The following CFAP44 variants were observed in gnomAD, a reference collection of about 807,000 sequenced individuals.
CFAP44 encodes cilia and flagella associated protein 44, also known as cilia- and flagella-associated protein 44.
A neutral mutation model predicts 216.2 loss-of-function variants in CFAP44; 134 were observed. The ratio of observed to expected loss-of-function variants is 0.62; its 90% CI spans 0.54 to 0.72. The LOEUF is 0.72. Among genes scored for constraint, CFAP44 ranks in the 30% least tolerant of loss-of-function variants. The pLI, the probability that CFAP44 is intolerant of heterozygous loss-of-function variation, is 0.00. For synonymous variants in CFAP44, 700 were observed against 727.6 expected (o/e 0.96, Z 0.61); for missense variants, 2,035 against 2,182.1 (o/e 0.93, Z 1.34).
intron 6 of CFAP44, among the ~76,000 whole-genome samples, chr3:113,412,043 C>T (rs1430260090): frequency 6.6e-6 from 1 of 152,070 alleles, no homozygotes; most frequent in Non-Finnish European, 1.5e-5. Context: ...CATGACAAAC[C>T]CACAGCCAAT....
At chr3:113,403,820 G>C in intron 9 of CFAP44, 32 bp downstream of exon 9, 2 of 1,597,792 alleles carry the variant, frequency 1.3e-6, no homozygotes, top group Non-Finnish European at 1.7e-6. Flanking sequence ...CTTAAACGTG[G>C]GTGCTACCAT....
At chr3:113,381,158 G>T (rs1216711159) in intron 15 of CFAP44, 98 bp from the exon 16 acceptor site, 1 of 858,408 alleles carries the variant, frequency 1.2e-6, no homozygotes, top group Non-Finnish European at 1.6e-6. Flanking sequence ...ATGTATATTA[G>T]CCATGTTTAA....
chr3:113,372,826 T>C (rs116253916), intron 18 of CFAP44, among the ~76,000 whole-genome samples: 6,292 of 152,208 alleles, frequency 0.041, 428 homozygotes, highest in African/African-American at 0.14. Flanking sequence ...CAAATATCTA[T>C]AAGTTAAGGA....
intron 24 of CFAP44, among the ~76,000 whole-genome samples, chr3:113,340,734 T>C (rs1950325005): frequency 6.6e-6 from 1 of 152,236 alleles, no homozygotes; most frequent in Middle Eastern, 3.2e-3. Context: ...TTGCTGTCTA[T>C]AGGCAGCCTG....
intron 1 of CFAP44, 75 bp from the exon 2 acceptor site, chr3:113,433,744 T>C (rs1576611592): frequency 1.7e-6 from 2 of 1,153,154 alleles, no homozygotes; most frequent in East Asian, 2.4e-5. Flanking sequence ...CCTAACATAT[T>C]TCATTAGCAC....
chr3:113,400,620 A>C lies in CFAP44; in HGVS notation c.1399T>G (p.Ser467Ala). The change falls in exon 12 of 35, where the codon TCC (serine) becomes GCC (alanine). Residue 467 changes from serine to alanine, a missense_variant. By Grantham distance (99) the Ser-to-Ala change is moderately conservative. This residue lies in a region of CFAP44 where 1,883 missense variants were observed against 2,023.7 expected (regional missense o/e 0.93). Coordinates refer to ENST00000393845, the MANE Select transcript of CFAP44 (RefSeq NM_001164496.2). The part of the protein sequence containing the change: ...NITQDPECLF[S>A]FHSGAIEAVA... ...GCTTCAATAGCTCCAGAATGGAAGG[A>C]GAAGAGGCATTCTGGGTCCTGGGTC... 1.2e-6 allele frequency: 2 copies of C among 1,611,164 alleles called. No individual in the cohort carries two copies. Among genetic ancestry groups the C allele is most frequent in the South Asian group, 2.2e-5 (2 of 90,794 alleles).
chr3:113,381,266 A>ATT (rs1933501033), intron 15 of CFAP44, among the ~76,000 whole-genome samples: 1 of 151,912 alleles, frequency 6.6e-6, no homozygotes, highest in Non-Finnish European at 1.5e-5. Flanking sequence ...ATCATTATTA[A>ATT]GTGATTAAAG....
At chr3:113,434,183 A>C (rs1325885717) in intron 1 of CFAP44, among the ~76,000 whole-genome samples, 1 of 152,198 alleles carries the variant, frequency 6.6e-6, no homozygotes, top group Admixed American at 6.5e-5. Context: ...GATAGATATT[A>C]AACAAGCAAT....
At position 113,287,226 on chromosome 3, in the gene CFAP44, A is replaced by G. The variant is rs1949768783; in HGVS notation, c.*4331T>C. On this transcript the variant is annotated 3_prime_UTR_variant, in exon 35 of 35. Coordinates refer to ENST00000393845, the MANE Select transcript of CFAP44 (RefSeq NM_001164496.2). ...CCCAGGCACATGGTTCATCACGAGC[A>G]TGAGGGAACAGCAAGGGGCACGGTA... 1 of 367,816 alleles carries G rather than the reference A, an allele frequency of 2.7e-6. No individual in the cohort carries two copies. Among genetic ancestry groups the G allele is most frequent in the East Asian group, 7.4e-5 (1 of 13,602 alleles). 22.8% of individuals were successfully genotyped at this position (367,816 alleles called of 1,614,324 possible).
intron 28 of CFAP44, among the ~76,000 whole-genome samples, chr3:113,313,103 G>C (rs114260508): frequency 6.6e-6 from 1 of 152,054 alleles, no homozygotes; most frequent in African/African-American, 2.4e-5. Context: ...AGCCGCAGAC[G>C]CTCAATGCCA....
chr3:113,408,851 G>A lies in CFAP44; in HGVS notation c.890+255C>T, dbSNP rs112085645. On this transcript the variant is annotated intron_variant, in intron 7 of 34. Transcript: ENST00000393845. ...GCACTCCAGCCTGGGCAACAAAAGC[G>A]AAACTCCATTTCAAAAAAAAAAAAA... 8.5e-3 allele frequency among the ~76,000 whole-genome samples: 796 copies of A among 93,214 alleles called. 2 individuals carry two copies. Among genetic ancestry groups the A allele is most frequent in the African/African-American group, 0.027 (702 of 26,304 alleles). The allele number at this position is 93,214 out of a possible 152,430, so 61.2% of individuals were successfully genotyped here.
chr3:113,399,467 T>C (rs1195401744), intron 13 of CFAP44, among the ~76,000 whole-genome samples: 1 of 146,422 alleles, frequency 6.8e-6, no homozygotes, highest in East Asian at 1.9e-4. Context: ...TTGACTACTA[T>C]CTGCCTCTGC....
intron 24 of CFAP44, among the ~76,000 whole-genome samples, chr3:113,334,451 C>A (rs1053320294): frequency 2.0e-5 from 3 of 152,128 alleles, no homozygotes; most frequent in African/African-American, 7.2e-5. Flanking sequence ...ACCAGTGACA[C>A]TGATCCATTT....
In CFAP44 at chr3:113,303,246, C is replaced by T. The variant is rs558624642; in HGVS notation, c.5077+670G>A. On this transcript the variant is annotated intron_variant, in intron 32 of 34. Coordinates refer to ENST00000393845, the MANE Select transcript of CFAP44 (RefSeq NM_001164496.2). ...GACCCAGTACTAGGATTCACCTTCTCACACATGTGCACAGGGAGATGTGTA... is the reference window on the plus strand; with the variant it reads ...GACCCAGTACTAGGATTCACCTTCTTACACATGTGCACAGGGAGATGTGTA... Among the ~76,000 whole-genome samples, 5 of 152,284 alleles carry T rather than the reference C, an allele frequency of 3.3e-5. No homozygotes were observed. The South Asian group carries it at 1.0e-3, about 32-fold the overall frequency.
chr3:113,415,641 A>G (rs531428146), intron 6 of CFAP44, among the ~76,000 whole-genome samples: 94 of 152,270 alleles, frequency 6.2e-4, no homozygotes, highest in African/African-American at 2.0e-3. Flanking sequence ...ATTCAGGAGC[A>G]GGTTGTTCAA....
At chr3:113,421,753 C>T (rs1379320255) in intron 4 of CFAP44, among the ~76,000 whole-genome samples, 1 of 149,472 alleles carries the variant, frequency 6.7e-6, no homozygotes, top group Non-Finnish European at 1.5e-5. Flanking sequence ...CCAAATATTG[C>T]ATGTTCTCAC....
chr3:113,337,186 T>C (rs1490486741), intron 24 of CFAP44, among the ~76,000 whole-genome samples: 1 of 150,986 alleles, frequency 6.6e-6, no homozygotes, highest in Non-Finnish European at 1.5e-5. Context: ...TAGACACCAA[T>C]ATTAAAAACA....
At chr3:113,333,620 A>C in intron 24 of CFAP44, 37 bp from the exon 25 acceptor site, 1 of 1,460,552 alleles carries the variant, frequency 6.8e-7, no homozygotes, top group Non-Finnish European at 9.0e-7. Context: ...ACACACAAAT[A>C]TGACAATAAA....
intron 15 of CFAP44, among the ~76,000 whole-genome samples, chr3:113,385,006 G>T (rs1264341589): frequency 1.3e-5 from 2 of 152,192 alleles, no homozygotes; most frequent in African/African-American, 4.8e-5. Flanking sequence ...CCTGGTGGAA[G>T]GTAATCGGAT....
Sources: allele counts gnomAD v4.1 joint callset (sites outside exome capture counted in the v4.1 genomes callset), GRCh38; gene constraint gnomAD v4.1.1; regional missense constraint gnomAD v4.1.1; transcripts MANE v1.5; gene names NCBI Gene and HGNC (gene_info 2026-07-23, HGNC 2026-07-21).